The following RBFOX1 variants were observed in gnomAD, a reference collection of about 807,000 sequenced individuals.
RBFOX1 encodes the protein RNA binding protein fox-1 homolog 1.
In RBFOX1, 8 loss-of-function variants were observed where a neutral mutation model predicts 57.7. That is an observed-to-expected ratio of 0.14 (90% confidence interval 0.08 to 0.25). The LOEUF (loss-of-function observed/expected upper bound fraction) is 0.25. RBFOX1 is among the 10% of genes least tolerant of loss of function. The probability of loss-of-function intolerance (pLI) is 1.00; values close to 1 mark genes in which losing one functional copy is unlikely to be tolerated. For synonymous variants in RBFOX1, 326 were observed against 222.4 expected, an observed-to-expected ratio of 1.47 and a Z score of -4.15; for missense variants, 611 against 548.5, an observed-to-expected ratio of 1.11 and a Z score of -1.14.
intron 4 of RBFOX1, among the ~76,000 whole-genome samples, chr16:7,496,061 C>T (rs1456005277): frequency 6.6e-6 from 1 of 152,154 alleles, no homozygotes; most frequent in Non-Finnish European, 1.5e-5. Flanking sequence ...AGATACTAGG[C>T]TGGGTCCACA....
At chr16:6,450,676 T>C (rs980575516) in intron 2 of RBFOX1, among the ~76,000 whole-genome samples, 1 of 144,052 alleles carries the variant, frequency 6.9e-6, no homozygotes, top group Non-Finnish European at 1.5e-5. Context: ...GCTGCTGTAT[T>C]GTGTTTGTCA....
intron 4 of RBFOX1, among the ~76,000 whole-genome samples, chr16:7,128,741 A>C (rs1161931372): frequency 3.9e-5 from 6 of 152,078 alleles, no homozygotes; most frequent in Non-Finnish European, 7.4e-5. Context: ...TCATATCACA[A>C]AGGGCTAGAA....
chr16:6,982,583 C>T (rs1182551520), intron 3 of RBFOX1, among the ~76,000 whole-genome samples: 3 of 152,184 alleles, frequency 2.0e-5, no homozygotes, highest in Non-Finnish European at 4.4e-5. Flanking sequence ...ATCATAGTTA[C>T]CATGAGTTGA....
chr16:5,582,802 A>C (rs537528258), intron 2 of RBFOX1, among the ~76,000 whole-genome samples: 81 of 152,216 alleles, frequency 5.3e-4, no homozygotes, highest in African/African-American at 1.8e-3. Context: ...GGTGGTTATC[A>C]GTTCAGCCCC....
intron 2 of RBFOX1, among the ~76,000 whole-genome samples, chr16:5,524,741 G>T (rs927795388): frequency 6.6e-6 from 1 of 151,776 alleles, no homozygotes; most frequent in African/African-American, 2.4e-5. Context: ...GGGTTTCACC[G>T]TGTTGGCCAG....
intron 4 of RBFOX1, among the ~76,000 whole-genome samples, chr16:7,398,341 G>A (rs1438210505): frequency 6.6e-6 from 1 of 152,204 alleles, no homozygotes; most frequent in Non-Finnish European, 1.5e-5. Flanking sequence ...TCTGTAAGAT[G>A]GGGACAGAGA....
intron 3 of RBFOX1, among the ~76,000 whole-genome samples, chr16:7,028,661 T>C (rs2041754845): frequency 1.3e-5 from 2 of 150,396 alleles, no homozygotes; most frequent in Admixed American, 6.6e-5. Context: ...TTGTGACTTC[T>C]ATTTGTGAAA....
At chr16:7,155,104 CT>C (rs1272316277) in intron 4 of RBFOX1, among the ~76,000 whole-genome samples, 2 of 152,124 alleles carry the variant, frequency 1.3e-5, no homozygotes, top group Non-Finnish European at 2.9e-5. Flanking sequence ...TCTCCAAAGC[CT>C]CTTGTTTCAG....
intron 1 of RBFOX1, among the ~76,000 whole-genome samples, chr16:5,363,696 TTGTC>T (rs1596669226): frequency 2.0e-5 from 3 of 152,310 alleles, no homozygotes; most frequent in East Asian, 3.9e-4. Flanking sequence ...AATTATTTGC[TTGTC>T]TGTCTCCTAC....
intron 1 of RBFOX1, among the ~76,000 whole-genome samples, chr16:6,099,907 A>G (rs2096283948): frequency 6.6e-6 from 1 of 152,314 alleles, no homozygotes; most frequent in African/African-American, 2.4e-5. Context: ...GTCATTTATC[A>G]TAGCAAACAA....
chr16:6,910,995 G>C (rs2071430520), intron 3 of RBFOX1, among the ~76,000 whole-genome samples: 1 of 152,086 alleles, frequency 6.6e-6, no homozygotes, highest in South Asian at 2.1e-4. Flanking sequence ...GAGGTCAGGA[G>C]TTTGAGATAA....
chr16:7,571,538 G>A (rs1412238954), intron 5 of RBFOX1, among the ~76,000 whole-genome samples: 1 of 152,194 alleles, frequency 6.6e-6, no homozygotes, highest in East Asian at 1.9e-4. Context: ...TGATCTTCAG[G>A]AGATTAAAGT....
chr16:6,112,784 G>A (rs890441286), intron 1 of RBFOX1, among the ~76,000 whole-genome samples: 7 of 152,204 alleles, frequency 4.6e-5, no homozygotes, highest in Admixed American at 2.0e-4. Flanking sequence ...ACATGTCTGA[G>A]TGAAATACTT....
At chr16:6,966,353 C>G (rs2084156519) in intron 3 of RBFOX1, among the ~76,000 whole-genome samples, 1 of 152,002 alleles carries the variant, frequency 6.6e-6, no homozygotes, top group South Asian at 2.1e-4. Flanking sequence ...CACACACAGT[C>G]TAGTTTGAAA....
At chr16:5,552,420 T>C (rs1371391102) in intron 2 of RBFOX1, among the ~76,000 whole-genome samples, 2 of 152,200 alleles carry the variant, frequency 1.3e-5, no homozygotes, top group South Asian at 2.1e-4. Context: ...CTGTATTAAA[T>C]GCTCACATAG....
chr16:6,794,030 C>G (rs942020569), intron 3 of RBFOX1, among the ~76,000 whole-genome samples: 2 of 152,092 alleles, frequency 1.3e-5, no homozygotes, highest in African/African-American at 4.8e-5. Context: ...ATGAAGCACG[C>G]TAGGGAATTT....
intron 3 of RBFOX1, among the ~76,000 whole-genome samples, chr16:6,926,836 A>C (rs1217891946): frequency 1.3e-5 from 2 of 152,132 alleles, no homozygotes; most frequent in African/African-American, 4.8e-5. Context: ...CAGATACAAA[A>C]TACATAAACA....
At chr16:6,569,624 G>A (rs958989550) in intron 2 of RBFOX1, among the ~76,000 whole-genome samples, 3 of 152,198 alleles carry the variant, frequency 2.0e-5, no homozygotes, top group African/African-American at 4.8e-5. Flanking sequence ...TGTTGCAGAA[G>A]TTTCATGGGC....
At chr16:5,856,179 C>CTATATATATA in intron 3 of RBFOX1, among the ~76,000 whole-genome samples, 1 of 54,400 alleles carries the variant, frequency 1.8e-5, no homozygotes, top group Admixed American at 2.9e-4. Context: ...CTCTCTCTCT[C>CTATATATATA]TCTCTCTCTA....
Sources: allele counts gnomAD v4.1 joint callset (sites outside exome capture counted in the v4.1 genomes callset), GRCh38; gene constraint gnomAD v4.1.1; transcripts MANE v1.5; gene names NCBI Gene and HGNC (gene_info 2026-07-23, HGNC 2026-07-21).